Variants in ERP27 observed in about 807,000 individuals in gnomAD.
The protein encoded by ERP27 is endoplasmic reticulum resident protein 27.
Under a neutral mutation model 27.7 loss-of-function variants are expected in ERP27, and 23 were observed. The observed-to-expected ratio is 0.83, with a 90% confidence interval of 0.60 to 1.18. The LOEUF is 1.18. Among genes scored for constraint, ERP27 ranks in the 50% most tolerant of loss-of-function variants. ERP27 has a pLI of 0.00. For missense variants in ERP27, 363 were observed against 327.9 expected, an observed-to-expected ratio of 1.11 and a Z score of -0.83; for synonymous variants, 159 against 118.3, an observed-to-expected ratio of 1.34 and a Z score of -2.23.
intron 3 of ERP27, among the ~76,000 whole-genome samples, chr12:14,921,417 G>A (rs1172415340): frequency 6.6e-6 from 1 of 152,160 alleles, no homozygotes; most frequent in African/African-American, 2.4e-5. Flanking sequence ...AGATGTGAGA[G>A]GTTGCGTTCT....
At chr12:14,931,431 T>G (rs888779082) in intron 3 of ERP27, among the ~76,000 whole-genome samples, 1 of 151,926 alleles carries the variant, frequency 6.6e-6, no homozygotes, top group Non-Finnish European at 1.5e-5. Context: ...TACTAAAGTT[T>G]TGAAAGTGTA....
rs79482276 is a variant in ERP27 at position 14,934,838 on chromosome 12, G to T, written c.333+18C>A. On this transcript the variant is annotated intron_variant, in intron 3 of 6. Coordinates refer to ENST00000266397, the MANE Select transcript of ERP27 (RefSeq NM_152321.4). The stretch of plus-strand genomic sequence containing the variant: ...AGTGAAAATCTGGGAGAAAGCTCAA[G>T]CTACCCACCCAACTTACCAGGCGAA... 6.2e-7 allele frequency: 1 copy of T among 1,613,464 alleles called. No individual in the cohort carries two copies. Among genetic ancestry groups the T allele is most frequent in the African/African-American group, 1.3e-5 (1 of 74,888 alleles).
intron 2 of ERP27, chr12:14,935,225 C>G: frequency 1.2e-6 from 1 of 836,214 alleles, no homozygotes; most frequent in East Asian, 1.2e-4. Context: ...GCCTGAGACT[C>G]CTGTCAGGCC....
At chr12:14,922,054 A>T (rs1357266673) in intron 3 of ERP27, among the ~76,000 whole-genome samples, 1 of 152,186 alleles carries the variant, frequency 6.6e-6, no homozygotes, top group African/African-American at 2.4e-5. Context: ...TATTCATTTT[A>T]CTACTGATGA....
chr12:14,914,992 CT>C (rs11339510), intron 6 of ERP27, among the ~76,000 whole-genome samples: 49,964 of 152,004 alleles, frequency 0.33, 8,661 homozygotes, highest in Non-Finnish European at 0.38. Context: ...TAGTTTGAGT[CT>C]CACGATATAT....
intron 2 of ERP27, 169 bp from the exon 3 acceptor site, chr12:14,935,162 CT>C: frequency 1.0e-6 from 1 of 985,350 alleles, no homozygotes; most frequent in Non-Finnish European, 1.2e-6. Context: ...CAGTGACATT[CT>C]TGAATTTTCC....
In ERP27 at chr12:14,935,095, A is replaced by G. The variant is rs745851111; in HGVS notation, c.196-102T>C. The G allele has an allele frequency of 3.7e-5, 55 of 1,504,784 alleles. 1 individual carries two copies. In the Admixed American group the frequency reaches 1.1e-3, roughly 30 times the overall value. The allele number at this position is 1,504,784 out of a possible 1,614,324, so 93.2% of individuals were successfully genotyped here. On this transcript the variant is annotated intron_variant, in intron 2 of 6. Coordinates refer to ENST00000266397, the MANE Select transcript of ERP27 (RefSeq NM_152321.4). The stretch of plus-strand genomic sequence containing the variant: ...ATATGATGTTTACCAGAAATCATAG[A>G]TTTGATTTACTGCCCAGTAACACAT...
chr12:14,929,134 A>T, intron 3 of ERP27: 1 of 1,456,318 alleles, frequency 6.9e-7, no homozygotes. Flanking sequence ...GCATGGATCA[A>T]GAATCCCCCC....
intron 2 of ERP27, among the ~76,000 whole-genome samples, chr12:14,936,383 G>A (rs1863773612): frequency 6.6e-6 from 1 of 152,108 alleles, no homozygotes; most frequent in African/African-American, 2.4e-5. Context: ...AGCCACTTGC[G>A]AACAGTGATT....
chr12:14,927,299 ATG>A (rs1374987295), intron 3 of ERP27, among the ~76,000 whole-genome samples: 1 of 151,572 alleles, frequency 6.6e-6, no homozygotes, highest in Non-Finnish European at 1.5e-5. Flanking sequence ...GTGTAGGCGT[ATG>A]TGTGTATATT....
intron 4 of ERP27, among the ~76,000 whole-genome samples, chr12:14,917,750 A>C (rs1863434860): frequency 6.6e-6 from 1 of 152,176 alleles, no homozygotes; most frequent in African/African-American, 2.4e-5. Flanking sequence ...TTGGAAGCAG[A>C]TCCCCAGCTC....
chr12:14,920,856 G>C, intron 4 of ERP27, 76 bp downstream of exon 4: 5 of 1,074,262 alleles, frequency 4.7e-6, no homozygotes, highest in Non-Finnish European at 4.3e-6. Flanking sequence ...CTGGGAGGAA[G>C]AGACCTCTGT....
At chr12:14,935,263 G>T (rs58765619) in intron 2 of ERP27, 1 of 507,484 alleles carries the variant, frequency 2.0e-6, no homozygotes, top group Non-Finnish European at 2.5e-6. Context: ...GTTTACTAGG[G>T]GCTGAGAGAG....
At chr12:14,934,821 T>C in intron 3 of ERP27, 35 bp downstream of exon 3, 1 of 1,612,782 alleles carries the variant, frequency 6.2e-7, no homozygotes, top group Non-Finnish European at 8.5e-7. Context: ...CCAGTGAAAA[T>C]CTGGGAGAAA....
chr12:14,921,867 A>T (rs1863509438), intron 3 of ERP27, among the ~76,000 whole-genome samples: 1 of 151,918 alleles, frequency 6.6e-6, no homozygotes, highest in African/African-American at 2.4e-5. Context: ...TAACTTAAAG[A>T]TGCTTCTTTT....
At chr12:14,919,339 GAGAGA>G (rs1286869012) in intron 4 of ERP27, among the ~76,000 whole-genome samples, 20 of 152,200 alleles carry the variant, frequency 1.3e-4, no homozygotes, top group Non-Finnish European at 2.9e-5. Flanking sequence ...TCTGCGAAAT[GAGAGA>G]CAGATCAGGC....
intron 1 of ERP27, among the ~76,000 whole-genome samples, 160 bp downstream of exon 1, chr12:14,938,255 C>A (rs1863801576): frequency 6.8e-6 from 1 of 146,784 alleles, no homozygotes; most frequent in South Asian, 2.3e-4. Context: ...AGGATACTGC[C>A]AGACTTCCCT....
At chr12:14,928,883 A>T in intron 3 of ERP27, 1 of 1,498,134 alleles carries the variant, frequency 6.7e-7, no homozygotes, top group Non-Finnish European at 9.0e-7. Context: ...GTAAAGAAAT[A>T]AAATGAGCAC....
intron 3 of ERP27, among the ~76,000 whole-genome samples, chr12:14,921,324 C>A (rs1863500334): frequency 6.6e-6 from 1 of 152,116 alleles, no homozygotes; most frequent in Non-Finnish European, 1.5e-5. Flanking sequence ...AGAAGTTACT[C>A]CTGAAAAGTG....
Sources: gnomAD v4.1 joint callset for allele counts (sites outside exome capture counted in the v4.1 genomes callset) on GRCh38, gnomAD v4.1.1 for gene constraint, MANE v1.5 for transcripts, NCBI Gene and HGNC (gene_info 2026-07-23, HGNC 2026-07-21) for gene names.